The following MVB12B variants were observed in gnomAD, a reference collection of about 807,000 sequenced individuals.
The protein encoded by MVB12B is ESCRT-I complex subunit MVB12B.
MVB12B carries 16 observed loss-of-function variants against 41.6 expected under a neutral mutation model. That is an observed-to-expected ratio of 0.38 (90% CI 0.26 to 0.58). The LOEUF is 0.58. Ranked by LOEUF, MVB12B falls within the 20% of genes least tolerant of loss-of-function variation. The pLI is 0.62. For missense variants in MVB12B, 274 were observed against 380.2 expected (o/e 0.72, Z 2.32); for synonymous variants, 133 against 139.7 (o/e 0.95, Z 0.34).
intron 7 of MVB12B, among the ~76,000 whole-genome samples, chr9:126,439,213 A>C (rs1832571278): frequency 6.6e-6 from 1 of 152,056 alleles, no homozygotes; most frequent in Non-Finnish European, 1.5e-5. Context: ...CAAGCCACAG[A>C]AAGTGGCAGA....
At chr9:126,499,522 T>C (rs1220779175) in intron 9 of MVB12B, among the ~76,000 whole-genome samples, 1 of 152,182 alleles carries the variant, frequency 6.6e-6, no homozygotes. Flanking sequence ...CAGATCCGGG[T>C]CCAAATCCAC....
intron 1 of MVB12B, among the ~76,000 whole-genome samples, chr9:126,329,424 A>G (rs1829067194): frequency 6.6e-6 from 1 of 152,190 alleles, no homozygotes; most frequent in African/African-American, 2.4e-5. Context: ...ATGTTTATAC[A>G]GTTTGTTGCG....
chr9:126,471,718 G>A (rs897856018), intron 7 of MVB12B, among the ~76,000 whole-genome samples: 1 of 152,256 alleles, frequency 6.6e-6, no homozygotes, highest in Non-Finnish European at 1.5e-5. Flanking sequence ...CTTTTGAAAC[G>A]CCACAGGAAA....
intron 2 of MVB12B, among the ~76,000 whole-genome samples, chr9:126,359,802 T>C (rs1024294194): frequency 1.2e-4 from 18 of 152,164 alleles, no homozygotes; most frequent in African/African-American, 4.3e-4. Context: ...GCTGCCATCC[T>C]GGATCAAATA....
chr9:126,479,536 A>T (rs1833482223), intron 7 of MVB12B, among the ~76,000 whole-genome samples: 1 of 152,208 alleles, frequency 6.6e-6, no homozygotes, highest in Non-Finnish European at 1.5e-5. Context: ...CAAATGCGGG[A>T]CGTACTGAGT....
At chr9:126,494,367 G>C (rs1424320708) in intron 9 of MVB12B, among the ~76,000 whole-genome samples, 2 of 152,132 alleles carry the variant, frequency 1.3e-5, no homozygotes, top group Non-Finnish European at 2.9e-5. Context: ...TTGTTCCCGT[G>C]GTGGCCCAAG....
At chr9:126,347,961 G>A (rs1374672645) in intron 2 of MVB12B, among the ~76,000 whole-genome samples, 1 of 152,208 alleles carries the variant, frequency 6.6e-6, no homozygotes, top group East Asian at 1.9e-4. Context: ...CAGGCAGTTA[G>A]TTGCCCCTCC....
chr9:126,335,792 T>C (rs1829257137), intron 1 of MVB12B, among the ~76,000 whole-genome samples: 1 of 152,244 alleles, frequency 6.6e-6, no homozygotes, highest in Non-Finnish European at 1.5e-5. Context: ...TTTTTGTCTT[T>C]GGTGCCCTTG....
At chr9:126,445,300 T>G (rs998064857) in intron 7 of MVB12B, among the ~76,000 whole-genome samples, 4 of 152,154 alleles carry the variant, frequency 2.6e-5, no homozygotes, top group Admixed American at 2.6e-4. Flanking sequence ...TTATGTTGGT[T>G]TTGGTTTTTG....
intron 9 of MVB12B, among the ~76,000 whole-genome samples, chr9:126,491,196 A>C (rs1254193075): frequency 6.6e-6 from 1 of 152,260 alleles, no homozygotes; most frequent in Non-Finnish European, 1.5e-5. Flanking sequence ...AGGATTTTTG[A>C]ATTCAACTTT....
At chr9:126,344,471 C>T (rs1219876235) in intron 2 of MVB12B, among the ~76,000 whole-genome samples, 1 of 152,244 alleles carries the variant, frequency 6.6e-6, no homozygotes, top group Non-Finnish European at 1.5e-5. Flanking sequence ...CAAAGGTGCT[C>T]ACAGTTCTTC....
intron 6 of MVB12B, among the ~76,000 whole-genome samples, chr9:126,399,946 G>T (rs1477680405): frequency 1.3e-5 from 2 of 152,180 alleles, no homozygotes; most frequent in African/African-American, 4.8e-5. Flanking sequence ...GGCCCCCGAG[G>T]TTCAAAAATC....
chr9:126,445,899 C>T (rs1832753291), intron 7 of MVB12B, among the ~76,000 whole-genome samples: 1 of 152,214 alleles, frequency 6.6e-6, no homozygotes, highest in South Asian at 2.1e-4. Context: ...TGGAAGACAA[C>T]ATCATCTGCA....
In MVB12B at chr9:126,387,389, G is replaced by C. The variant is rs183217941; in HGVS notation, c.409+731G>C. Among the ~76,000 whole-genome samples, 30 of 152,300 alleles carry C rather than the reference G, an allele frequency of 2.0e-4. No individual in the cohort carries two copies. In the East Asian group the frequency reaches 5.0e-3, roughly 25 times the overall value. On this transcript the variant is annotated intron_variant, in intron 4 of 9. Coordinates refer to ENST00000361171, the MANE Select transcript of MVB12B (RefSeq NM_033446.3). ...AAGCAATGAATACAAAACAAATACA[G>C]AGAATCCTTTCATTACGACTCAGGG...
chr9:126,458,875 CTTTGAG>C (rs1822075131), intron 7 of MVB12B, among the ~76,000 whole-genome samples: 1 of 152,190 alleles, frequency 6.6e-6, no homozygotes, highest in African/African-American at 2.4e-5. Flanking sequence ...GAAGAGCTCA[CTTTGAG>C]TTAGGTAGGG....
At chr9:126,457,733 C>T (rs748538837) in intron 7 of MVB12B, among the ~76,000 whole-genome samples, 6 of 152,102 alleles carry the variant, frequency 3.9e-5, no homozygotes, top group Admixed American at 1.3e-4. Flanking sequence ...AGGGACGCGT[C>T]GCCTGTCGTT....
intron 3 of MVB12B, among the ~76,000 whole-genome samples, chr9:126,382,290 C>G (rs1036226695): frequency 1.1e-4 from 17 of 152,102 alleles, no homozygotes; most frequent in African/African-American, 4.1e-4. Flanking sequence ...CTCTTTTCTG[C>G]CACCCATTCC....
At chr9:126,403,993 G>A (rs998087877) in intron 6 of MVB12B, among the ~76,000 whole-genome samples, 21 of 123,754 alleles carry the variant, frequency 1.7e-4, no homozygotes, top group Admixed American at 9.6e-4. Context: ...TCTCACTGTC[G>A]CCCAGGCTGG....
intron 2 of MVB12B, among the ~76,000 whole-genome samples, chr9:126,349,154 GGATT>G (rs1331632807): frequency 6.6e-6 from 1 of 152,138 alleles, no homozygotes. Context: ...AGCACAGTTA[GGATT>G]GATTAAGTTT....
Sources: allele counts gnomAD v4.1 joint callset (sites outside exome capture counted in the v4.1 genomes callset), GRCh38; gene constraint gnomAD v4.1.1; transcripts MANE v1.5; gene names NCBI Gene and HGNC (gene_info 2026-07-23, HGNC 2026-07-21).